MAN1C1: variants seen among roughly 807,000 people sequenced by gnomAD.
The protein encoded by MAN1C1 is mannosyl-oligosaccharide 1,2-alpha-mannosidase IC.
In MAN1C1, 49 loss-of-function variants were observed where a neutral mutation model predicts 71.5. The ratio of observed to expected loss-of-function variants is 0.69; its 90% CI spans 0.54 to 0.87. The LOEUF (loss-of-function observed/expected upper bound fraction) is 0.87, where lower values mean the gene tolerates loss of function less well. Ranked by LOEUF, MAN1C1 falls within the 40% of genes least tolerant of loss-of-function variation. MAN1C1 has a pLI of 0.00. For synonymous variants in MAN1C1, 352 were observed against 343.7 expected, an observed-to-expected ratio of 1.02 and a Z score of -0.27; for missense variants, 743 against 835.0, an observed-to-expected ratio of 0.89 and a Z score of 1.36.
intron 1 of MAN1C1, among the ~76,000 whole-genome samples, chr1:25,620,097 C>T (rs2045183563): frequency 6.6e-6 from 1 of 152,194 alleles, no homozygotes; most frequent in Admixed American, 6.5e-5. Flanking sequence ...CTTGATTCTC[C>T]CTCTCTGTGT....
At chr1:25,638,138 A>G (rs1439509805) in intron 1 of MAN1C1, among the ~76,000 whole-genome samples, 1 of 152,110 alleles carries the variant, frequency 6.6e-6, no homozygotes, top group Non-Finnish European at 1.5e-5. Context: ...CTTTTGAATT[A>G]ATCAAGTATT....
In MAN1C1 at chr1:25,749,346, C is replaced by T. The variant is rs1322833631; in HGVS notation, c.834+11C>T. The stretch of plus-strand genomic sequence containing the variant: ...CTGACAGGAGAAGAGGTGGGTTGGC[C>T]TTTCATGACCCCTGAACTGTCCAGG... On this transcript the variant is annotated intron_variant, in intron 4 of 11. Coordinates refer to ENST00000374332, the MANE Select transcript of MAN1C1 (RefSeq NM_020379.4). The T allele has an allele frequency of 1.2e-6, 2 of 1,601,594 alleles. No individual in the cohort carries two copies. Among genetic ancestry groups the T allele is most frequent in the East Asian group, 2.2e-5 (1 of 44,832 alleles).
At chr1:25,618,363 C>T in intron 1 of MAN1C1, 26 bp downstream of exon 1, 1 of 1,577,032 alleles carries the variant, frequency 6.3e-7, no homozygotes, top group Non-Finnish European at 8.6e-7. Flanking sequence ...CCAAACTCCT[C>T]CCACCAACTG....
intron 1 of MAN1C1, among the ~76,000 whole-genome samples, chr1:25,635,411 A>G (rs2045442300): frequency 6.6e-6 from 1 of 150,746 alleles, no homozygotes; most frequent in Admixed American, 6.6e-5. Flanking sequence ...AATTGTTCCT[A>G]AGATTCTCAT....
chr1:25,781,156 T>A (rs1380215530), intron 10 of MAN1C1, 44 bp downstream of exon 10: 3 of 1,599,036 alleles, frequency 1.9e-6, no homozygotes, highest in Non-Finnish European at 2.6e-6. Context: ...TAGATGCCCC[T>A]GAGAATTTAC....
chr1:25,679,270 C>G (rs949418999), intron 1 of MAN1C1, among the ~76,000 whole-genome samples: 2 of 152,074 alleles, frequency 1.3e-5, no homozygotes, highest in Non-Finnish European at 1.5e-5. Flanking sequence ...AAAACAGGCA[C>G]CTCCTTTGAG....
intron 1 of MAN1C1, among the ~76,000 whole-genome samples, chr1:25,653,072 T>G (rs537573864): frequency 5.4e-4 from 82 of 152,122 alleles, no homozygotes; most frequent in African/African-American, 1.8e-3. Flanking sequence ...AGCCTGTTTT[T>G]TTGTTTTGTT....
chr1:25,664,094 G>T (rs571275886), intron 1 of MAN1C1, among the ~76,000 whole-genome samples: 1 of 152,290 alleles, frequency 6.6e-6, no homozygotes, highest in African/African-American at 2.4e-5. Context: ...TCCCCATAGA[G>T]ACTAGGTTAT....
Position 25,783,746 on chromosome 1 carries a change from T to G in MAN1C1, c.1850T>G (p.Val617Gly), listed in dbSNP as rs759325990. 1 of 1,613,044 alleles carries G rather than the reference T, an allele frequency of 6.2e-7. No individual in the cohort carries two copies. Among genetic ancestry groups the G allele is most frequent in the Non-Finnish European group, 8.5e-7 (1 of 1,180,022 alleles). ...VFNTEAHPLP[V>G]NHSDSSGRAW... ...AACACCGAGGCCCACCCACTCCCGG[T>G]GAACCACTCAGACAGCTCCGGCAGA... Residue 617 changes from valine (V) to glycine (G), a missense_variant, in exon 12 of 12, where the codon GTG (valine) becomes GGG (glycine). Val to Gly is a moderately radical substitution (Grantham distance 109). Coordinates refer to ENST00000374332, the MANE Select transcript of MAN1C1 (RefSeq NM_020379.4).
At position 25,769,745 on chromosome 1, in the gene MAN1C1, CCA is replaced by C. The variant is rs1245867554; in HGVS notation, c.1142-1909_1142-1908del. Among the ~76,000 whole-genome samples the C allele has an allele frequency of 6.6e-6, 1 of 152,206 alleles. No individual in the cohort carries two copies. The highest frequency in any genetic ancestry group is 1.5e-5 in the Non-Finnish European group (1 of 68,028). On this transcript the variant is annotated intron_variant, in intron 7 of 11. Transcript: ENST00000374332. The surrounding 1 kb of genome is among the most constrained non-coding windows in gnomAD (Gnocchi z 4.8). ...AGCGGGAGTCGCATGCAATCCCTCCCCACAAAGAGCCCACGAGCTAGTGAGGG... is the reference window on the plus strand; with the variant it reads ...AGCGGGAGTCGCATGCAATCCCTCCCCAAAGAGCCCACGAGCTAGTGAGGG...
Position 25,782,546 on chromosome 1 carries a change from T to C in MAN1C1, c.1651-39T>C, listed in dbSNP as rs2047709301. On this transcript the variant is annotated intron_variant, in intron 10 of 11. Transcript: ENST00000374332. This position sits in a 1 kb window ranked among gnomAD's most constrained non-coding sequence, Gnocchi z 4.4. ...GTCTTGAGGGGCCTTTCCTGTCCCG[T>C]GTTAAGGCTGTTTTCCTCCTCCTCT... 1 of 1,415,364 alleles carries C rather than the reference T, an allele frequency of 7.1e-7. No individual in the cohort carries two copies. The highest frequency in any genetic ancestry group is 1.4e-5 in the African/African-American group (1 of 71,066). The allele number at this position is 1,415,364 out of a possible 1,614,324, so 87.7% of individuals were successfully genotyped here. A position where few individuals can be genotyped will look rare whatever the true frequency, so the allele number is the denominator to read the frequency against.
At chr1:25,758,914 CA>C (rs1031733931) in intron 6 of MAN1C1, 2 of 571,738 alleles carry the variant, frequency 3.5e-6, no homozygotes, top group African/African-American at 3.8e-5. Flanking sequence ...CACGCAGAGT[CA>C]ATAAGATTCT....
rs1469256093 is a variant in MAN1C1, at chr1:25,711,438, G to C, written c.637+24902G>C. 6.6e-6 allele frequency among the ~76,000 whole-genome samples: 1 copy of C among 152,208 alleles called. No individual in the cohort carries two copies. Among genetic ancestry groups the C allele is most frequent in the African/African-American group, 2.4e-5 (1 of 41,458 alleles). ...CGCTCATGGATGGGTCAGTGTGGGA[G>C]AAAGAAGTTGAATTCTCATCTCCTC... On this transcript the variant is annotated intron_variant, in intron 2 of 11. Transcript: ENST00000374332. The surrounding 1 kb of genome is among the most constrained non-coding windows in gnomAD (Gnocchi z 4.3).
chr1:25,668,559 C>CTTTCT (rs530121814), intron 1 of MAN1C1, among the ~76,000 whole-genome samples: 13,850 of 141,328 alleles, frequency 0.098, 1,325 homozygotes, highest in African/African-American at 0.22. Flanking sequence ...TTCTTTCTTT[C>CTTTCT]TTTTTTTTTT....
At chr1:25,621,497 A>G (rs1016677233) in intron 1 of MAN1C1, among the ~76,000 whole-genome samples, 1 of 152,152 alleles carries the variant, frequency 6.6e-6, no homozygotes, top group African/African-American at 2.4e-5. Flanking sequence ...TTCAAGTTCA[A>G]ACAGACTTGT....
intron 7 of MAN1C1, among the ~76,000 whole-genome samples, chr1:25,768,581 G>A (rs1226700140): frequency 5.2e-5 from 1 of 19,266 alleles, no homozygotes. Flanking sequence ...CCCACACACA[G>A]ACCCACACAC....
At chr1:25,727,583 A>G (rs906815195) in intron 2 of MAN1C1, among the ~76,000 whole-genome samples, 2 of 152,248 alleles carry the variant, frequency 1.3e-5, no homozygotes, top group Non-Finnish European at 2.9e-5. Flanking sequence ...GGAACCCTGC[A>G]GCAAAAGGAC....
intron 9 of MAN1C1, 84 bp from the exon 10 acceptor site, chr1:25,780,856 C>T: frequency 6.8e-7 from 1 of 1,470,072 alleles, no homozygotes; most frequent in Non-Finnish European, 9.3e-7. Flanking sequence ...GCCGCGGGTT[C>T]AAGGCAACTG....
At chr1:25,732,108 G>A (rs963031984) in intron 2 of MAN1C1, among the ~76,000 whole-genome samples, 2 of 152,218 alleles carry the variant, frequency 1.3e-5, no homozygotes, top group Admixed American at 1.3e-4. Context: ...GCATCTGGGG[G>A]GGCTCCTGCA....
Sources: gnomAD v4.1 joint callset for allele counts (sites outside exome capture counted in the v4.1 genomes callset) on GRCh38, gnomAD v4.1.1 for gene constraint, Gnocchi (gnomAD v3.1) non-coding constraint, MANE v1.5 for transcripts, NCBI Gene and HGNC (gene_info 2026-07-23, HGNC 2026-07-21) for gene names.